The following PIK3AP1 variants were observed in gnomAD, a reference collection of about 807,000 sequenced individuals.
PIK3AP1 encodes the protein phosphoinositide-3-kinase adaptor protein 1.
PIK3AP1 carries 21 observed loss-of-function variants against 88.1 expected under a neutral mutation model. That is an observed-to-expected ratio of 0.24 (90% CI 0.17 to 0.34). PIK3AP1 has a LOEUF of 0.34. PIK3AP1 is among the 10% of genes least tolerant of loss of function. The pLI is 1.00. For synonymous variants in PIK3AP1, 398 were observed against 400.0 expected, an observed-to-expected ratio of 1.00 and a Z score of 0.06; for missense variants, 828 against 1,035.7, an observed-to-expected ratio of 0.80 and a Z score of 2.75.
rs1423319318 is a variant in PIK3AP1 at position 96,645,616 on chromosome 10, T to G, written c.1232A>C (p.His411Pro). ...GTACACAGCATCAGCCTCCTCCCCG[T>G]GCATCAGTTCCTCTTTAATGTGACT... Reference protein sequence around the residue: ...LKSHIKEELMHGEEADAVYES... With the variant: ...LKSHIKEELMPGEEADAVYES... Residue 411 changes from histidine (H) to proline (P), a missense_variant, in exon 8 of 17, where the codon CAC (histidine) becomes CCC (proline). Physicochemically the swap from His to Pro is moderately conservative, Grantham distance 77. Coordinates refer to ENST00000339364, the MANE Select transcript of PIK3AP1 (RefSeq NM_152309.3). The G allele has an allele frequency of 3.1e-6, 5 of 1,611,364 alleles. No homozygotes were observed. The highest frequency in any genetic ancestry group is 4.2e-6 in the Non-Finnish European group (5 of 1,178,794).
chr10:96,599,633 T>C (rs1051188275), intron 16 of PIK3AP1, among the ~76,000 whole-genome samples: 1 of 152,114 alleles, frequency 6.6e-6, no homozygotes, highest in African/African-American at 2.4e-5. Context: ...AGGCCAGCCT[T>C]CAATCCTGTC....
chr10:96,683,445 A>AC (rs1844028437), intron 2 of PIK3AP1, among the ~76,000 whole-genome samples: 1 of 152,234 alleles, frequency 6.6e-6, no homozygotes, highest in Admixed American at 6.5e-5. Flanking sequence ...AGAAAAAGGT[A>AC]AGAAAAGACA....
chr10:96,661,839 GGGAAAA>G (rs1366317251), intron 2 of PIK3AP1, among the ~76,000 whole-genome samples: 18 of 130,100 alleles, frequency 1.4e-4, no homozygotes, highest in African/African-American at 4.6e-4. Flanking sequence ...GGAAAGGAAA[GGGAAAA>G]GGGAAAGGGA....
chr10:96,710,848 T>C (rs1332638144), intron 1 of PIK3AP1, among the ~76,000 whole-genome samples: 1 of 152,184 alleles, frequency 6.6e-6, no homozygotes, highest in African/African-American at 2.4e-5. Flanking sequence ...TGAGTTAAAT[T>C]AGATATTTCA....
At chr10:96,608,119 C>G (rs1192316279) in intron 14 of PIK3AP1, among the ~76,000 whole-genome samples, 1 of 152,152 alleles carries the variant, frequency 6.6e-6, no homozygotes, top group Admixed American at 6.5e-5. Context: ...AGGCTATCCC[C>G]CAAAAAACAT....
intron 12 of PIK3AP1, among the ~76,000 whole-genome samples, chr10:96,619,736 T>G (rs1843051078): frequency 6.6e-6 from 1 of 152,224 alleles, no homozygotes; most frequent in Non-Finnish European, 1.5e-5. Flanking sequence ...AAGAGTCTCC[T>G]CTGACACCCC....
intron 2 of PIK3AP1, among the ~76,000 whole-genome samples, chr10:96,694,030 T>C (rs1844188771): frequency 6.6e-6 from 1 of 152,120 alleles, no homozygotes; most frequent in African/African-American, 2.4e-5. Flanking sequence ...AGCTGGGCCT[T>C]TTCTTCTCTT....
chr10:96,699,395 T>C (rs1844263643), intron 2 of PIK3AP1, among the ~76,000 whole-genome samples: 1 of 152,232 alleles, frequency 6.6e-6, no homozygotes, highest in Admixed American at 6.5e-5. Flanking sequence ...TTACATTGCT[T>C]ATATATCAAT....
chr10:96,650,714 A>G (rs533308798), intron 6 of PIK3AP1, among the ~76,000 whole-genome samples: 3 of 152,354 alleles, frequency 2.0e-5, no homozygotes. Flanking sequence ...GAGAGAAGTT[A>G]GCCAGGTAAA....
rs1192056019 is a variant in PIK3AP1 at position 96,593,499 on chromosome 10, T to G, written c.*2078A>C. 1 of 152,226 alleles carries G rather than the reference T, an allele frequency of 6.6e-6. No homozygotes were observed. The highest frequency in any genetic ancestry group is 2.4e-5 in the African/African-American group (1 of 41,444). The allele number at this position is 152,226 out of a possible 1,614,324, so 9.4% of individuals were successfully genotyped here. ...ATCAGAGAATGTACAAAATTCTAAG[T>G]TTGGCATCCAAAAGGGGGCTTACAG... On this transcript the variant is annotated 3_prime_UTR_variant, in exon 17 of 17. Transcript: ENST00000339364.
Position 96,656,906 on chromosome 10 carries a change from A to G in PIK3AP1, c.459T>C (p.Thr153=). The G allele has an allele frequency of 6.2e-7, 1 of 1,614,004 alleles. No homozygotes were observed. Among genetic ancestry groups the G allele is most frequent in the Non-Finnish European group, 8.5e-7 (1 of 1,179,936 alleles). Residue 153 remains threonine (T), a synonymous_variant, in exon 3 of 17, where the codon ACT becomes ACC. Coordinates refer to ENST00000339364, the MANE Select transcript of PIK3AP1 (RefSeq NM_152309.3). ...EDSGCDSVTD[T]EPEDEKVVSY... ...AAACAACCTTCTCGTCCTCAGGCTC[A>G]GTGTCAGTGACTGAGTCACAGCCAG...
chr10:96,704,718 CAAAAAGAAAAA>C lies in PIK3AP1; in HGVS notation c.430+4838_430+4848del, dbSNP rs562484831. 4.0e-4 allele frequency among the ~76,000 whole-genome samples: 58 copies of C among 143,280 alleles called. 1 individual carries two copies. Among genetic ancestry groups the C allele is most frequent in the African/African-American group, 1.5e-3 (57 of 38,622 alleles). The allele number at this position is 143,280 out of a possible 152,430, so 94.0% of individuals were successfully genotyped here. ...TGGGTGACAGAGCGAGACTCTATCTCAAAAAGAAAAAAAAAAGAAAAAAGAAAAAAAAAGAA... is the reference window on the plus strand; with the variant it reads ...TGGGTGACAGAGCGAGACTCTATCTCAAAAAGAAAAAAGAAAAAAAAAGAA... On this transcript the variant is annotated intron_variant, in intron 2 of 16. Coordinates refer to ENST00000339364, the MANE Select transcript of PIK3AP1 (RefSeq NM_152309.3).
intron 3 of PIK3AP1, among the ~76,000 whole-genome samples, chr10:96,654,341 T>C (rs778943308): frequency 9.9e-5 from 15 of 152,106 alleles, no homozygotes; most frequent in Non-Finnish European, 1.6e-4. Flanking sequence ...TTCCTGGCCA[T>C]AGCGAATCCC....
chr10:96,641,061 C>T (rs1843379750), intron 8 of PIK3AP1, among the ~76,000 whole-genome samples: 1 of 150,776 alleles, frequency 6.6e-6, no homozygotes, highest in Non-Finnish European at 1.5e-5. Context: ...GGCAGCATAT[C>T]TAAACTAAAG....
intron 2 of PIK3AP1, among the ~76,000 whole-genome samples, chr10:96,695,321 A>G (rs1005486128): frequency 6.6e-6 from 1 of 152,214 alleles, no homozygotes; most frequent in Non-Finnish European, 1.5e-5. Context: ...TGCTAGTGCT[A>G]ATATTATTCT....
intron 2 of PIK3AP1, among the ~76,000 whole-genome samples, chr10:96,682,338 G>A (rs1173489106): frequency 1.3e-5 from 2 of 151,830 alleles, no homozygotes; most frequent in Non-Finnish European, 2.9e-5. Context: ...TGGGAATCGT[G>A]ACTGCAGGGT....
chr10:96,679,687 A>C (rs1843974192), intron 2 of PIK3AP1, among the ~76,000 whole-genome samples: 1 of 152,184 alleles, frequency 6.6e-6, no homozygotes, highest in African/African-American at 2.4e-5. Flanking sequence ...AAAGCCCAGC[A>C]TTCAGGCAGG....
intron 2 of PIK3AP1, among the ~76,000 whole-genome samples, chr10:96,677,350 C>A (rs894068970): frequency 2.6e-5 from 4 of 152,086 alleles, no homozygotes; most frequent in African/African-American, 9.7e-5. Context: ...AGAAATGATA[C>A]CCTGAAGTAA....
intron 14 of PIK3AP1, among the ~76,000 whole-genome samples, chr10:96,607,790 C>G (rs1849027406): frequency 6.6e-6 from 1 of 152,236 alleles, no homozygotes; most frequent in African/African-American, 2.4e-5. Context: ...TGAATGCTGG[C>G]TCATGAATGA....
Sources: allele counts gnomAD v4.1 joint callset (sites outside exome capture counted in the v4.1 genomes callset), GRCh38; gene constraint gnomAD v4.1.1; transcripts MANE v1.5; gene names NCBI Gene and HGNC (gene_info 2026-07-23, HGNC 2026-07-21).